CNIH3: variants seen among roughly 807,000 people sequenced by gnomAD.
The protein encoded by CNIH3 is protein cornichon homolog 3.
Under a neutral mutation model 24.1 loss-of-function variants are expected in CNIH3, and 14 were observed. The observed-to-expected ratio is 0.58, with a 90% CI of 0.38 to 0.91. The LOEUF is 0.91. CNIH3 is among the 40% of genes least tolerant of loss of function. The pLI is 0.00. For synonymous variants in CNIH3, 68 were observed against 73.8 expected (o/e 0.92, Z 0.40); for missense variants, 178 against 196.8 (o/e 0.90, Z 0.57).
chr1:224,535,250 A>G (rs564545663), intron 2 of CNIH3, among the ~76,000 whole-genome samples: 8 of 152,262 alleles, frequency 5.3e-5, no homozygotes, highest in African/African-American at 1.9e-4. Flanking sequence ...ACACGCAGGG[A>G]GAACTCCATG....
chr1:224,705,581 T>C (rs879014546), intron 3 of CNIH3, among the ~76,000 whole-genome samples: 1 of 152,242 alleles, frequency 6.6e-6, no homozygotes, highest in African/African-American at 2.4e-5. Flanking sequence ...GTGCTGGATG[T>C]TCAAGGTATT....
intron 1 of CNIH3, among the ~76,000 whole-genome samples, chr1:224,673,574 G>C (rs6666853): frequency 0.22 from 32,816 of 152,026 alleles, 3,576 homozygotes; most frequent in East Asian, 0.26. Flanking sequence ...CGTCAGAGAG[G>C]CTTCCCTGAT....
At chr1:224,559,173 G>A (rs1572475348) in intron 3 of CNIH3, among the ~76,000 whole-genome samples, 1 of 152,280 alleles carries the variant, frequency 6.6e-6, no homozygotes, top group East Asian at 1.9e-4. Context: ...GCTAGGAAGA[G>A]GCAGAGTAAT....
At position 224,714,810 on chromosome 1, in the gene CNIH3, G is replaced by A. The variant is rs1688341524; in HGVS notation, c.199-15652G>A. ...CATGACAGCCACATCCCAGAGAGCTGTTGGGGCTCCAGGAGAAGCACGGAC... is the reference window on the plus strand; with the variant it reads ...CATGACAGCCACATCCCAGAGAGCTATTGGGGCTCCAGGAGAAGCACGGAC... On this transcript the variant is annotated intron_variant, in intron 3 of 5. Transcript: ENST00000272133. 2.0e-5 allele frequency among the ~76,000 whole-genome samples: 3 copies of A among 152,210 alleles called. No individual in the cohort carries two copies. In the South Asian group the frequency reaches 6.2e-4, roughly 32 times the overall value.
At chr1:224,647,548 G>A (rs1244808657) in intron 1 of CNIH3, among the ~76,000 whole-genome samples, 1 of 152,234 alleles carries the variant, frequency 6.6e-6, no homozygotes, top group Non-Finnish European at 1.5e-5. Context: ...CCAAGGCTGT[G>A]GCGGGAAATT....
chr1:224,445,160 A>G (rs1249213516), intron 1 of CNIH3, among the ~76,000 whole-genome samples: 12 of 152,198 alleles, frequency 7.9e-5, no homozygotes, highest in Non-Finnish European at 1.6e-4. Flanking sequence ...ATATAAATAC[A>G]TAAGTAAGTG....
intron 1 of CNIH3, among the ~76,000 whole-genome samples, chr1:224,442,998 A>C (rs1364698418): frequency 6.6e-6 from 1 of 152,190 alleles, no homozygotes; most frequent in Non-Finnish European, 1.5e-5. Context: ...TAAGCCCATT[A>C]GGGACACTAA....
At position 224,438,932 on chromosome 1, in the gene CNIH3, A is replaced by G. The variant is rs149149852; in HGVS notation, n.203+4070A>G. On this transcript the variant is annotated intron_variant and non_coding_transcript_variant, in intron 1 of 5. Coordinates refer to the CNIH3 transcript ENST00000471578. ...TAAAATAAAATTTAAATCCCTCTTC[A>G]TTTAGAAAGGATTTGAGGCAGCTAA... 1.1e-3 allele frequency among the ~76,000 whole-genome samples: 166 copies of G among 152,340 alleles called. 1 individual carries two copies. The highest frequency in any genetic ancestry group is 3.8e-3 in the African/African-American group (160 of 41,572).
At chr1:224,555,356 T>C (rs1680093203) in intron 3 of CNIH3, among the ~76,000 whole-genome samples, 1 of 152,212 alleles carries the variant, frequency 6.6e-6, no homozygotes, top group African/African-American at 2.4e-5. Flanking sequence ...CTTGAATTCA[T>C]TGATGGCTTT....
chr1:224,626,593 T>G (rs771836738), intron 1 of CNIH3, among the ~76,000 whole-genome samples: 2 of 152,164 alleles, frequency 1.3e-5, no homozygotes, highest in Non-Finnish European at 2.9e-5. Context: ...TTGAGAATCT[T>G]GGTTAAGATG....
At chr1:224,475,253 G>T (rs1195933083) in intron 1 of CNIH3, among the ~76,000 whole-genome samples, 1 of 151,358 alleles carries the variant, frequency 6.6e-6, no homozygotes, top group African/African-American at 2.4e-5. Context: ...CTACTCGGGA[G>T]GCTGAGGCAG....
intron 1 of CNIH3, among the ~76,000 whole-genome samples, chr1:224,452,781 CAAAAAAAAAAAAA>C (rs1173499027): frequency 2.3e-5 from 1 of 44,304 alleles, no homozygotes; most frequent in African/African-American, 9.3e-5. Flanking sequence ...AACTCTGTCT[CAAAAAAAAAAAAA>C]AAAAAAAAGG....
chr1:224,499,065 A>G (rs762411797), intron 1 of CNIH3, among the ~76,000 whole-genome samples: 2 of 152,248 alleles, frequency 1.3e-5, no homozygotes, highest in Non-Finnish European at 2.9e-5. Flanking sequence ...GATTTAGATC[A>G]GTGATTCACA....
chr1:224,504,321 C>G (rs1284181301), intron 1 of CNIH3, among the ~76,000 whole-genome samples: 1 of 152,206 alleles, frequency 6.6e-6, no homozygotes, highest in Non-Finnish European at 1.5e-5. Flanking sequence ...TTGTCATCAT[C>G]AAATGGGACA....
At chr1:224,544,294 T>G (rs1165464031) in intron 2 of CNIH3, among the ~76,000 whole-genome samples, 1 of 152,180 alleles carries the variant, frequency 6.6e-6, no homozygotes, top group Admixed American at 6.5e-5. Flanking sequence ...CCATATGCAC[T>G]TCATCTCAAG....
intron 1 of CNIH3, among the ~76,000 whole-genome samples, chr1:224,469,451 T>C (rs1252892075): frequency 1.3e-5 from 2 of 152,208 alleles, no homozygotes; most frequent in African/African-American, 2.4e-5. Context: ...GAACTGGCCT[T>C]GCATACCTGT....
At chr1:224,572,030 G>A (rs937871136) in intron 4 of CNIH3, among the ~76,000 whole-genome samples, 1 of 152,174 alleles carries the variant, frequency 6.6e-6, no homozygotes, top group African/African-American at 2.4e-5. Context: ...AGTCAAGTAG[G>A]TTACCTCTAG....
chr1:224,550,014 A>G (rs917271959), intron 3 of CNIH3, among the ~76,000 whole-genome samples: 2 of 152,192 alleles, frequency 1.3e-5, no homozygotes, highest in African/African-American at 4.8e-5. Context: ...CAGTGTGTAA[A>G]CACAGGATAT....
chr1:224,488,647 T>C (rs1053296905), intron 1 of CNIH3, among the ~76,000 whole-genome samples: 9 of 152,180 alleles, frequency 5.9e-5, no homozygotes, highest in African/African-American at 2.2e-4. Context: ...TCAAAATTTG[T>C]TGTAGAGACT....
Sources: gnomAD v4.1 joint callset for allele counts (sites outside exome capture counted in the v4.1 genomes callset) on GRCh38, gnomAD v4.1.1 for gene constraint, MANE v1.5 for transcripts, NCBI Gene and HGNC (gene_info 2026-07-23, HGNC 2026-07-21) for gene names.